The following MTUS2 variants were observed in gnomAD, a reference collection of about 807,000 sequenced individuals.
MTUS2 encodes microtubule-associated tumor suppressor candidate 2.
MTUS2 carries 40 observed loss-of-function variants against 114.1 expected under a neutral mutation model. That is an observed-to-expected ratio of 0.35 (90% CI 0.27 to 0.46). MTUS2 has a LOEUF of 0.46. Among genes scored for constraint, MTUS2 ranks in the 20% least tolerant of loss-of-function variants. MTUS2 has a pLI of 1.00. For missense variants in MTUS2, 1,679 were observed against 1,705.4 expected (o/e 0.98, Z 0.27); for synonymous variants, 688 against 672.0 (o/e 1.02, Z -0.37).
intron 2 of MTUS2, among the ~76,000 whole-genome samples, chr13:28,973,093 A>T (rs1190692717): frequency 6.6e-6 from 1 of 152,186 alleles, no homozygotes; most frequent in African/African-American, 2.4e-5. Flanking sequence ...AATCCCTAGC[A>T]TTATTTTTTG....
intron 2 of MTUS2, among the ~76,000 whole-genome samples, chr13:28,844,783 A>AT (rs900028746): frequency 7.9e-5 from 12 of 151,832 alleles, no homozygotes; most frequent in East Asian, 3.9e-4. Context: ...CACCCATCTA[A>AT]TTTTTTTGTA....
At chr13:29,430,420 G>GT (rs1876901976) in intron 8 of MTUS2, among the ~76,000 whole-genome samples, 1 of 152,130 alleles carries the variant, frequency 6.6e-6, no homozygotes, top group Non-Finnish European at 1.5e-5. Flanking sequence ...ATAATTTAAT[G>GT]TTACTTCATC....
intron 2 of MTUS2, among the ~76,000 whole-genome samples, chr13:28,992,455 T>TG (rs930094260): frequency 4.6e-5 from 7 of 151,992 alleles, no homozygotes; most frequent in Non-Finnish European, 7.4e-5. Flanking sequence ...TTCCAGCTGG[T>TG]GGGGGGTAAG....
At chr13:29,422,060 T>G (rs1876147598) in intron 8 of MTUS2, among the ~76,000 whole-genome samples, 3 of 152,216 alleles carry the variant, frequency 2.0e-5, no homozygotes, top group Non-Finnish European at 4.4e-5. Context: ...TAGAAAAATA[T>G]GGGGCAATTC....
intron 4 of MTUS2, among the ~76,000 whole-genome samples, chr13:29,093,107 A>C (rs976907119): frequency 1.3e-5 from 2 of 152,286 alleles, no homozygotes; most frequent in African/African-American, 4.8e-5. Context: ...TTGAGGCTAA[A>C]AGCTGTTAGC....
chr13:28,975,136 G>A (rs377543444), intron 2 of MTUS2, among the ~76,000 whole-genome samples: 2 of 152,068 alleles, frequency 1.3e-5, no homozygotes, highest in African/African-American at 2.4e-5. Flanking sequence ...AACCCAGTAG[G>A]CAGCCCGATT....
intron 5 of MTUS2, among the ~76,000 whole-genome samples, chr13:29,136,910 C>T (rs766488385): frequency 1.3e-5 from 2 of 152,126 alleles, no homozygotes; most frequent in African/African-American, 2.4e-5. Flanking sequence ...ACTAAGTAAG[C>T]CTCAGCCTGT....
intron 6 of MTUS2, among the ~76,000 whole-genome samples, chr13:29,324,311 G>A (rs1014240022): frequency 6.6e-6 from 1 of 152,184 alleles, no homozygotes; most frequent in Non-Finnish European, 1.5e-5. Flanking sequence ...TTAATTCCCA[G>A]ATAGTTTGGT....
intron 8 of MTUS2, among the ~76,000 whole-genome samples, chr13:29,423,143 C>G (rs1021729116): frequency 6.6e-6 from 1 of 152,178 alleles, no homozygotes; most frequent in Admixed American, 6.5e-5. Flanking sequence ...TTTTCCTCTA[C>G]CTGGAATTTA....
chr13:28,963,411 T>C (rs1334182675), intron 2 of MTUS2, among the ~76,000 whole-genome samples: 1 of 152,140 alleles, frequency 6.6e-6, no homozygotes, highest in Non-Finnish European at 1.5e-5. Context: ...GTGTAAATAA[T>C]GCAAAAATTT....
At chr13:29,016,161 C>T (rs1484354137) in intron 2 of MTUS2, among the ~76,000 whole-genome samples, 2 of 152,124 alleles carry the variant, frequency 1.3e-5, no homozygotes, top group African/African-American at 4.8e-5. Context: ...CCTCAGCCTC[C>T]CAAGATGCAG....
At chr13:29,172,351 G>A (rs1893599764) in intron 5 of MTUS2, among the ~76,000 whole-genome samples, 1 of 152,188 alleles carries the variant, frequency 6.6e-6, no homozygotes, top group African/African-American at 2.4e-5. Context: ...AGTGATTCAT[G>A]ATTTTCGTTA....
chr13:29,046,648 G>C (rs1409611858), intron 4 of MTUS2, among the ~76,000 whole-genome samples: 4 of 152,180 alleles, frequency 2.6e-5, no homozygotes, highest in Non-Finnish European at 4.4e-5. Flanking sequence ...GCAGAAAATA[G>C]ACTTGTGGGA....
chr13:28,992,680 C>T (rs1884915171), intron 2 of MTUS2, among the ~76,000 whole-genome samples: 1 of 152,192 alleles, frequency 6.6e-6, no homozygotes, highest in South Asian at 2.1e-4. Context: ...GCATGCTCCC[C>T]TGGGCCCTTG....
intron 2 of MTUS2, among the ~76,000 whole-genome samples, chr13:28,958,475 T>A (rs566001456): frequency 6.6e-6 from 1 of 152,350 alleles, no homozygotes; most frequent in Non-Finnish European, 1.5e-5. Flanking sequence ...AAATTGATGT[T>A]GGGAAATTTG....
At chr13:29,225,695 AGGT>A (rs1234733844) in intron 5 of MTUS2, among the ~76,000 whole-genome samples, 1 of 152,228 alleles carries the variant, frequency 6.6e-6, no homozygotes, top group African/African-American at 2.4e-5. Context: ...AGTTTAGGTA[AGGT>A]GGTGTCAGAA....
intron 9 of MTUS2, among the ~76,000 whole-genome samples, chr13:29,477,432 C>G (rs1347120017): frequency 6.6e-6 from 1 of 152,134 alleles, no homozygotes; most frequent in Non-Finnish European, 1.5e-5. Flanking sequence ...AGCTGGAGCT[C>G]AAGTAAGCTG....
In MTUS2 at chr13:29,235,924, A is replaced by G. The variant is rs543364970; in HGVS notation, c.2645-45780A>G. ...TACTAAGGTGTTCCAATTAATATATACAACATTTTTCTACAAAATTACGCA... is the reference window on the plus strand; with the variant it reads ...TACTAAGGTGTTCCAATTAATATATGCAACATTTTTCTACAAAATTACGCA... On this transcript the variant is annotated intron_variant, in intron 5 of 15. Coordinates refer to ENST00000612955, the MANE Select transcript of MTUS2 (RefSeq NM_001033602.4). 2.6e-5 allele frequency among the ~76,000 whole-genome samples: 4 copies of G among 152,336 alleles called. No homozygotes were observed. The East Asian group carries it at 7.7e-4, about 29-fold the overall frequency.
intron 8 of MTUS2, among the ~76,000 whole-genome samples, chr13:29,389,177 A>G (rs985789124): frequency 6.9e-6 from 1 of 145,620 alleles, no homozygotes; most frequent in African/African-American, 2.5e-5. Flanking sequence ...TTGACTATAT[A>G]TATATCTATA....
Sources: gnomAD v4.1 joint callset for allele counts (sites outside exome capture counted in the v4.1 genomes callset) on GRCh38, gnomAD v4.1.1 for gene constraint, MANE v1.5 for transcripts, NCBI Gene and HGNC (gene_info 2026-07-23, HGNC 2026-07-21) for gene names.